The following TRIM45 variants were observed in gnomAD, a reference collection of about 807,000 sequenced individuals.
TRIM45 encodes the protein tripartite motif containing 45.
Under a neutral mutation model 46.7 loss-of-function variants are expected in TRIM45, and 45 were observed. The observed-to-expected ratio is 0.96, with a 90% CI of 0.76 to 1.24. TRIM45 has a LOEUF of 1.24. TRIM45 is among the 50% of genes most tolerant of loss of function. The pLI, the probability that TRIM45 is intolerant of heterozygous loss-of-function variation, is 0.00. For synonymous variants in TRIM45, 259 were observed against 285.8 expected (o/e 0.91, Z 0.94); for missense variants, 680 against 728.4 (o/e 0.93, Z 0.77).
In TRIM45 at chr1:117,113,371, C is replaced by T; in HGVS notation, c.1582G>A (p.Gly528Ser). The T allele has an allele frequency of 6.2e-7, 1 of 1,612,106 alleles. No homozygotes were observed. Among genetic ancestry groups the T allele is most frequent in the Non-Finnish European group, 8.5e-7 (1 of 1,179,876 alleles). The change falls in exon 5 of 6, where the codon GGC (glycine) becomes AGC (serine). Residue 528 changes from glycine to serine, a missense_variant. Around this residue, in one of 3 missense-constraint regions of TRIM45, gnomAD observed 322 missense variants for 359.3 expected, o/e 0.90. Transcript: ENST00000256649. This position sits in a 1 kb window ranked among gnomAD's most constrained non-coding sequence, Gnocchi z 4.0. ...GQKTARCACG[G>S]TMPGGYLGCG... ...GCTTTCTCCTTACCTGGCATGGTGC[C>T]TCCACAGGCGCAGCGAGCGGTTTTC...
rs1650293928 is a variant in TRIM45 at position 117,113,432 on chromosome 1, C to T, written c.1521G>A (p.Val507=). The T allele has an allele frequency of 1.2e-6, 2 of 1,612,554 alleles. No individual in the cohort carries two copies. The highest frequency in any genetic ancestry group is 2.1e-4 in the Middle Eastern group (1 of 4,816). Residue 507 remains valine (V), a synonymous_variant, in exon 5 of 6, where the codon GTG becomes GTA. Transcript: ENST00000256649. The surrounding 1 kb of genome is among the most constrained non-coding windows in gnomAD (Gnocchi z 4.0). ...TGGAGCAGAAGGTGCAGCAGTGAAA[C>T]ACGCCTGAGTGTGGGCGGTGCTTTC... ...VRRKHRPHSG[V]FHCCTFCSSG... is the part of the protein sequence containing the mutation.
In TRIM45 at chr1:117,118,754, T is replaced by C; in HGVS notation, c.502A>G (p.Thr168Ala). 1.9e-6 allele frequency: 3 copies of C among 1,611,802 alleles called. No homozygotes were observed. Among genetic ancestry groups the C allele is most frequent in the Non-Finnish European group, 1.7e-6 (2 of 1,178,938 alleles). ...AGGTCCACCATGGTGTGGTAAGTCG[T>C]TTTCTTCTGCCGCCTAGGGGCAAAC... ...CCQAHRRQKK[T>A]TYHTMVDLKD... is the part of the protein sequence containing the mutation. Residue 168 changes from threonine to alanine, a missense_variant, in exon 2 of 6, where the codon ACG becomes GCG. Thr to Ala is a moderately conservative substitution (Grantham distance 58). Transcript: ENST00000256649. The surrounding 1 kb of genome is among the most constrained non-coding windows in gnomAD (Gnocchi z 5.7).
At chr1:117,121,826 C>T (rs1036348118), upstream of TRIM45, 3 of 714,054 alleles carry the variant, frequency 4.2e-6, no homozygotes, top group Admixed American at 2.0e-5. The surrounding 1 kb of genome is among the most constrained non-coding windows in gnomAD (Gnocchi z 4.2). Context: ...CCTCGCCGCT[C>T]CGGGCCCCGC....
Position 117,112,243 on chromosome 1 carries a change from T to G in TRIM45, c.*62A>C, listed in dbSNP as rs1334245270. ...AGTCTCTTTAGAATGAACGAAGGTCTGGGTCCTCTGGAAATCTCAAGTGGT... is the reference window on the plus strand; with the variant it reads ...AGTCTCTTTAGAATGAACGAAGGTCGGGGTCCTCTGGAAATCTCAAGTGGT... On this transcript the variant is annotated 3_prime_UTR_variant, in exon 6 of 6. Transcript: ENST00000256649. The G allele has an allele frequency of 1.1e-5, 16 of 1,448,022 alleles. No homozygotes were observed. Among genetic ancestry groups the G allele is most frequent in the Non-Finnish European group, 1.5e-5 (16 of 1,095,194 alleles). The allele number at this position is 1,448,022 out of a possible 1,614,324, so 89.7% of individuals were successfully genotyped here.
At position 117,112,176 on chromosome 1, in the gene TRIM45, G is replaced by T; in HGVS notation, c.*129C>A. ...GTGAATAACTAACAAAAGAGCACTT[G>T]AACTCCAGTGCAAGATAAGGCACTT... On this transcript the variant is annotated 3_prime_UTR_variant, in exon 6 of 6. Transcript: ENST00000256649. 3 of 964,094 alleles carry T rather than the reference G, an allele frequency of 3.1e-6. No homozygotes were observed. The highest frequency in any genetic ancestry group is 3.0e-5 in the East Asian group (1 of 32,958). 59.7% of individuals were successfully genotyped at this position (964,094 alleles called of 1,614,324 possible). A position where few individuals can be genotyped will look rare whatever the true frequency, so the allele number is the denominator to read the frequency against.
At chr1:117,122,283 C>T (rs1650683731), upstream of TRIM45, 1 of 156,582 alleles carries the variant, frequency 6.4e-6, no homozygotes, top group Non-Finnish European at 1.4e-5. Context: ...CTGCGAGGCT[C>T]CCCTCTGTCC....
chr1:117,116,800 T>C lies in TRIM45; in HGVS notation c.1223-55A>G. ...TCGAATGTAAACTGCAGTGACTACA[T>C]CTCCATCTTGCTTTTTCTCTTCAGA... On this transcript the variant is annotated intron_variant, in intron 2 of 5. Coordinates refer to ENST00000256649, the MANE Select transcript of TRIM45 (RefSeq NM_025188.4). This position sits in a 1 kb window ranked among gnomAD's most constrained non-coding sequence, Gnocchi z 4.6. 6.2e-7 allele frequency: 1 copy of C among 1,606,594 alleles called. No individual in the cohort carries two copies. The highest frequency in any genetic ancestry group is 8.5e-7 in the Non-Finnish European group (1 of 1,174,930).
At chr1:117,114,445 G>A (rs551387032) in intron 4 of TRIM45, among the ~76,000 whole-genome samples, 25 of 152,298 alleles carry the variant, frequency 1.6e-4, no homozygotes, top group Non-Finnish European at 2.9e-4. Context: ...GACTACAGGT[G>A]CACACCATCA....
At position 117,118,628 on chromosome 1, in the gene TRIM45, C is replaced by T. The variant is rs1284287770; in HGVS notation, c.628G>A (p.Val210Met). The T allele has an allele frequency of 1.9e-6, 3 of 1,613,986 alleles. No homozygotes were observed. The highest frequency in any genetic ancestry group is 2.7e-5 in the African/African-American group (2 of 74,934). ...TCCCCCACCACACAATCCTGGCACA[C>T]GGGCCGGTCACAGAACTCACAGAAC... ...RLFCEFCDRP[V>M]CQDCVVGEHR... Residue 210 changes from valine to methionine, a missense_variant, in exon 2 of 6, where the codon GTG (valine) becomes ATG (methionine). Val to Met is a conservative substitution (Grantham distance 21). Around this residue, in one of 3 missense-constraint regions of TRIM45, gnomAD observed 349 missense variants for 343.6 expected, o/e 1.02. Transcript: ENST00000256649. The surrounding 1 kb of genome is among the most constrained non-coding windows in gnomAD (Gnocchi z 5.7).
At chr1:117,112,479 A>G (rs775738663) in intron 5 of TRIM45, 26 bp from the exon 6 acceptor site, 1 of 1,589,760 alleles carries the variant, frequency 6.3e-7, no homozygotes. Flanking sequence ...AGGAAAGGAC[A>G]AAAATCAACC....
In TRIM45 at chr1:117,121,452, C is replaced by T; in HGVS notation, c.-251G>A. 3.8e-6 allele frequency: 2 copies of T among 525,186 alleles called. No individual in the cohort carries two copies. The highest frequency in any genetic ancestry group is 6.7e-6 in the Non-Finnish European group (2 of 300,448). The allele number at this position is 525,186 out of a possible 1,614,324, so 32.5% of individuals were successfully genotyped here. On this transcript the variant is annotated 5_prime_UTR_variant, in exon 1 of 6. Transcript: ENST00000256649. The surrounding 1 kb of genome is among the most constrained non-coding windows in gnomAD (Gnocchi z 4.2). Reference sequence around the variant, plus strand: ...CAGACACGCCCACGCCCTCCTCTGCCCCGCAAGTCCTCCCCGGATGCGCTT... The same window carrying T: ...CAGACACGCCCACGCCCTCCTCTGCTCCGCAAGTCCTCCCCGGATGCGCTT...
At position 117,121,022 on chromosome 1, in the gene TRIM45, T is replaced by C; in HGVS notation, c.180A>G (p.Ser60=). ...AGTCTCCCCCTCGGATGTCCACTAC[T>C]GAGAAGGGCTCCAGCTGCTCCAGAC... ...TTCLEQLEPF[S]VVDIRGGDSD... The change falls in exon 1 of 6, where the codon TCA becomes TCG. Residue 60 remains serine (S), a synonymous_variant. Transcript: ENST00000256649. This position sits in a 1 kb window ranked among gnomAD's most constrained non-coding sequence, Gnocchi z 4.2. The C allele has an allele frequency of 2.5e-6, 4 of 1,614,144 alleles. No homozygotes were observed. The highest frequency in any genetic ancestry group is 1.1e-5 in the South Asian group (1 of 91,082).
Position 117,115,627 on chromosome 1 carries a change from T to C in TRIM45, c.1415A>G (p.Lys472Arg). Reference sequence around the variant, plus strand: ...CCACACAGTATAGACGCCAGGTTCCTTGGGGGTGTAGGAAATGTAGTATGT... The same window carrying C: ...CCACACAGTATAGACGCCAGGTTCCCTGGGGGTGTAGGAAATGTAGTATGT... ...DGTYYISYTPKEPGVYTVWVC... is the reference protein window; with the variant it reads ...DGTYYISYTPREPGVYTVWVC... Residue 472 changes from lysine to arginine, a missense_variant, in exon 4 of 6, where the codon AAG (lysine) becomes AGG (arginine). By Grantham distance (26) the Lys-to-Arg change is conservative (BLOSUM62 2). Coordinates refer to ENST00000256649, the MANE Select transcript of TRIM45 (RefSeq NM_025188.4). The surrounding 1 kb of genome is among the most constrained non-coding windows in gnomAD (Gnocchi z 4.2). 6.2e-7 allele frequency: 1 copy of C among 1,614,176 alleles called. No individual in the cohort carries two copies. Among genetic ancestry groups the C allele is most frequent in the African/African-American group, 1.3e-5 (1 of 75,036 alleles).
At position 117,117,324 on chromosome 1, in the gene TRIM45, A is replaced by G. The variant is rs1650437181; in HGVS notation, c.1223-579T>C. On this transcript the variant is annotated intron_variant, in intron 2 of 5. Coordinates refer to ENST00000256649, the MANE Select transcript of TRIM45 (RefSeq NM_025188.4). This position sits in a 1 kb window ranked among gnomAD's most constrained non-coding sequence, Gnocchi z 4.9. ...CTTATGAAGAGTCTAAAAATCTGGA[A>G]TTGTATGCACAAGTTACTGGGTGTT... 6.6e-6 allele frequency among the ~76,000 whole-genome samples: 1 copy of G among 152,212 alleles called. No individual in the cohort carries two copies. Among genetic ancestry groups the G allele is most frequent in the Admixed American group, 6.5e-5 (1 of 15,294 alleles).
Position 117,115,782 on chromosome 1 carries a change from C to T in TRIM45, c.1353-93G>A. 1 of 812,800 alleles carries T rather than the reference C, an allele frequency of 1.2e-6. No individual in the cohort carries two copies. The highest frequency in any genetic ancestry group is 1.5e-5 in the South Asian group (1 of 64,730). 50.3% of individuals were successfully genotyped at this position (812,800 alleles called of 1,614,324 possible). A position where few individuals can be genotyped will look rare whatever the true frequency, so the allele number is the denominator to read the frequency against. On this transcript the variant is annotated intron_variant, in intron 3 of 5. Transcript: ENST00000256649. This position sits in a 1 kb window ranked among gnomAD's most constrained non-coding sequence, Gnocchi z 4.2. Reference sequence around the variant, plus strand: ...AATGTAAACTCTACACCATCCCATTCAGTATTAATGTTAAATATACCCAAA... The same window carrying T: ...AATGTAAACTCTACACCATCCCATTTAGTATTAATGTTAAATATACCCAAA...
Position 117,118,049 on chromosome 1 carries a change from C to T in TRIM45, c.1207G>A (p.Val403Ile). ...GCCTTCCTACCTTCTCCTTGTAGGA[C>T]ACATTTGGCTGGATCAACCTCTTTG... Reference protein sequence around the residue: ...NTKEVDPAKCVLQGEDLHRAR... With the variant: ...NTKEVDPAKCILQGEDLHRAR... Residue 403 changes from valine to isoleucine, a missense_variant, in exon 2 of 6, where the codon GTC becomes ATC. This residue lies in a region of TRIM45 where 322 missense variants were observed against 359.3 expected (regional missense o/e 0.90). Coordinates refer to ENST00000256649, the MANE Select transcript of TRIM45 (RefSeq NM_025188.4). The surrounding 1 kb of genome is among the most constrained non-coding windows in gnomAD (Gnocchi z 5.7). 1 of 1,613,300 alleles carries T rather than the reference C, an allele frequency of 6.2e-7. No individual in the cohort carries two copies. The highest frequency in any genetic ancestry group is 8.5e-7 in the Non-Finnish European group (1 of 1,179,500).
rs1463950746 is a variant in TRIM45 at position 117,113,345 on chromosome 1, T to C, written c.1594+14A>G. The C allele has an allele frequency of 1.9e-6, 3 of 1,611,738 alleles. No individual in the cohort carries two copies. The highest frequency in any genetic ancestry group is 2.3e-4 in the Middle Eastern group (1 of 4,444). ...GCTGGCAGAAAGGCCCAGAGGGTAG[T>C]GCTTTCTCCTTACCTGGCATGGTGC... On this transcript the variant is annotated intron_variant, in intron 5 of 5. Coordinates refer to ENST00000256649, the MANE Select transcript of TRIM45 (RefSeq NM_025188.4). This position sits in a 1 kb window ranked among gnomAD's most constrained non-coding sequence, Gnocchi z 4.0.
At position 117,121,707 on chromosome 1, in the gene TRIM45, C is replaced by T. The variant is rs995772295; in HGVS notation, c.-506G>A. On this transcript the variant is annotated 5_prime_UTR_variant, in exon 1 of 6. Transcript: ENST00000256649. This position sits in a 1 kb window ranked among gnomAD's most constrained non-coding sequence, Gnocchi z 4.2. ...CGCCGGCGGGCTTCTCGGTGTCCAC[C>T]GCCTCTCCCGCGCCTCGGCCCGGGA... 3 of 574,590 alleles carry T rather than the reference C, an allele frequency of 5.2e-6. No homozygotes were observed. The highest frequency in any genetic ancestry group is 2.1e-5 in the South Asian group (1 of 48,400). 35.6% of individuals were successfully genotyped at this position (574,590 alleles called of 1,614,324 possible). A position where few individuals can be genotyped will look rare whatever the true frequency, so the allele number is the denominator to read the frequency against.
chr1:117,115,597 C>G lies in TRIM45; in HGVS notation c.1445G>C (p.Cys482Ser). The change falls in exon 4 of 6, where the codon TGC becomes TCC. Residue 482 changes from cysteine (C) to serine (S), a missense_variant. Cys to Ser is a moderately radical substitution (Grantham distance 112). Around this residue, in one of 3 missense-constraint regions of TRIM45, gnomAD observed 322 missense variants for 359.3 expected, o/e 0.90. Coordinates refer to ENST00000256649, the MANE Select transcript of TRIM45 (RefSeq NM_025188.4). This position sits in a 1 kb window ranked among gnomAD's most constrained non-coding sequence, Gnocchi z 4.2. ...TACCTGCACATGCTGTTCTTTGATG[C>G]AGACCCACACAGTATAGACGCCAGG... ...KEPGVYTVWV[C>S]IKEQHVQGSP... 6.2e-7 allele frequency: 1 copy of G among 1,613,922 alleles called. No individual in the cohort carries two copies. Among genetic ancestry groups the G allele is most frequent in the Non-Finnish European group, 8.5e-7 (1 of 1,179,844 alleles).
Sources: allele counts gnomAD v4.1 joint callset (sites outside exome capture counted in the v4.1 genomes callset), GRCh38; gene constraint gnomAD v4.1.1; regional missense constraint gnomAD v4.1.1; non-coding constraint Gnocchi (gnomAD v3.1); transcripts MANE v1.5; gene names NCBI Gene and HGNC (gene_info 2026-07-23, HGNC 2026-07-21).